The following FAT2 variants were observed in gnomAD, a reference collection of about 807,000 sequenced individuals.
The protein encoded by FAT2 is protocadherin Fat 2.
Under a neutral mutation model 295.3 loss-of-function variants are expected in FAT2, and 150 were observed. That is an observed-to-expected ratio of 0.51 (90% CI 0.44 to 0.58). The LOEUF is 0.58. Among genes scored for constraint, FAT2 ranks in the 20% least tolerant of loss-of-function variants. The probability of loss-of-function intolerance (pLI) is 0.00; values close to 1 mark genes in which losing one functional copy is unlikely to be tolerated. For synonymous variants in FAT2, 2,026 were observed against 2,150.3 expected (o/e 0.94, Z 1.60); for missense variants, 4,868 against 5,442.7 (o/e 0.89, Z 3.32).
chr5:151,565,908 T>C lies in FAT2; in HGVS notation c.3024A>G (p.Leu1008=). 1 of 1,613,976 alleles carries C rather than the reference T, an allele frequency of 6.2e-7. No homozygotes were observed. Among genetic ancestry groups the C allele is most frequent in the Non-Finnish European group, 8.5e-7 (1 of 1,180,004 alleles). The change falls in exon 2 of 24, where the codon CTA becomes CTG. Residue 1008 remains leucine, a synonymous_variant. Transcript: ENST00000261800. The stretch of plus-strand genomic sequence containing the variant: ...CCACATGGCAGAGAGTCCTGCGGGC[T>C]AGGGGCCTCCCACCATCACTGGCCC... The part of the protein sequence containing the change: ...SLWASDGGRP[L]ARRTLCHVEV...
At chr5:151,577,931 T>A (rs1758804825) in intron 1 of FAT2, among the ~76,000 whole-genome samples, 1 of 150,532 alleles carries the variant, frequency 6.6e-6, no homozygotes, top group African/African-American at 2.5e-5. Context: ...TCCTGAGGGG[T>A]CAACAACTCT....
chr5:151,543,963 G>T lies in FAT2; in HGVS notation c.7164C>A (p.Val2388=). 6.2e-7 allele frequency: 1 copy of T among 1,614,118 alleles called. No homozygotes were observed. The highest frequency in any genetic ancestry group is 8.5e-7 in the Non-Finnish European group (1 of 1,180,036). ...EFRQPQYEAN[V]SELATCGHLV... ...GGTGTCCACAGGTTGCCAGTTCACT[G>T]ACATTGGCTTCATATTGAGGTTGTC... The change falls in exon 10 of 24, where the codon GTC becomes GTA. Residue 2388 remains valine, a synonymous_variant. Coordinates refer to ENST00000261800, the MANE Select transcript of FAT2 (RefSeq NM_001447.3).
At position 151,566,446 on chromosome 5, in the gene FAT2, A is replaced by T. The variant is rs747755497; in HGVS notation, c.2486T>A (p.Ile829Asn). ...GGTTCCAACTTCTGTGTCCTCCGAG[A>T]TGGTTAACTGGTACCCACCGGGAGG... ...RFPPGGYQLT[I>N]SEDTEVGTTI... Residue 829 changes from isoleucine to asparagine, a missense_variant, in exon 2 of 24, where the codon ATC becomes AAC. Physicochemically the swap from Ile to Asn is moderately radical, Grantham distance 149. Coordinates refer to ENST00000261800, the MANE Select transcript of FAT2 (RefSeq NM_001447.3). 6.2e-7 allele frequency: 1 copy of T among 1,613,208 alleles called. No individual in the cohort carries two copies. The highest frequency in any genetic ancestry group is 1.7e-5 in the Admixed American group (1 of 59,992).
chr5:151,568,050 A>T lies in FAT2; in HGVS notation c.882T>A (p.Gly294=). The T allele has an allele frequency of 6.2e-7, 1 of 1,614,190 alleles. No homozygotes were observed. Among genetic ancestry groups the T allele is most frequent in the Non-Finnish European group, 8.5e-7 (1 of 1,180,034 alleles). The change falls in exon 2 of 24, where the codon GGT becomes GGA. Residue 294 remains glycine, a synonymous_variant. Coordinates refer to ENST00000261800, the MANE Select transcript of FAT2 (RefSeq NM_001447.3). The part of the protein sequence containing the change: ...AEVESVEVVG[G]DPGKHFKAIK... ...TGGCTTTGAAGTGCTTTCCAGGGTC[A>T]CCACCAACAACTTCCACTGACTCCA... is the stretch of plus-strand genomic sequence containing the variant.
At chr5:151,542,135 G>T in intron 10 of FAT2, 150 bp downstream of exon 10, 1 of 652,810 alleles carries the variant, frequency 1.5e-6, no homozygotes, top group Non-Finnish European at 2.6e-6. Context: ...GTCTATAGGT[G>T]GAGAAACTGA....
At chr5:151,539,700 CTACT>C (rs1755902173) in intron 11 of FAT2, among the ~76,000 whole-genome samples, 1 of 152,164 alleles carries the variant, frequency 6.6e-6, no homozygotes, top group South Asian at 2.1e-4. Context: ...AAGTTAAAAA[CTACT>C]TACTGTGTTT....
rs572999177 is a variant in FAT2, at chr5:151,549,372, C to T, written c.4712G>A (p.Gly1571Asp). ...GGCTCGGACCTGCAGCAGCTCTGTGCCGGGGGCTATGGTGTCAGGAACACT... is the reference window on the plus strand; with the variant it reads ...GGCTCGGACCTGCAGCAGCTCTGTGTCGGGGGCTATGGTGTCAGGAACACT... ...EASVPDTIAPGTELLQVRAMD... is the reference protein window; with the variant it reads ...EASVPDTIAPDTELLQVRAMD... The change falls in exon 9 of 24, where the codon GGC (glycine) becomes GAC (aspartate). Residue 1571 changes from glycine (G) to aspartate (D), a missense_variant. This residue lies in a region of FAT2 where 3,297 missense variants were observed against 3,669.4 expected (regional missense o/e 0.90). Coordinates refer to ENST00000261800, the MANE Select transcript of FAT2 (RefSeq NM_001447.3). 31 of 1,614,036 alleles carry T rather than the reference C, an allele frequency of 1.9e-5. No individual in the cohort carries two copies. The South Asian group carries it at 3.1e-4, about 16-fold the overall frequency.
rs1188647339 is a variant in FAT2 at position 151,531,084 on chromosome 5, G to C, written c.9811+503C>G. Among the ~76,000 whole-genome samples the C allele has an allele frequency of 6.6e-6, 1 of 152,148 alleles. No individual in the cohort carries two copies. Among genetic ancestry groups the C allele is most frequent in the African/African-American group, 2.4e-5 (1 of 41,428 alleles). Reference sequence around the variant, plus strand: ...GACTTTGAGTCTTCTGTGGCTAGTAGGAAAGAAGTGAGACGGTTTCCTAGT... The same window carrying C: ...GACTTTGAGTCTTCTGTGGCTAGTACGAAAGAAGTGAGACGGTTTCCTAGT... On this transcript the variant is annotated intron_variant, in intron 14 of 23. Transcript: ENST00000261800. This position sits in a 1 kb window ranked among gnomAD's most constrained non-coding sequence, Gnocchi z 5.7.
chr5:151,581,158 T>C (rs1197028167), intron 1 of FAT2, among the ~76,000 whole-genome samples: 1 of 152,168 alleles, frequency 6.6e-6, no homozygotes, highest in Non-Finnish European at 1.5e-5. Context: ...TTGTGTGTGA[T>C]TTTGAGCAAA....
intron 1 of FAT2, among the ~76,000 whole-genome samples, chr5:151,590,923 C>T (rs1759374174): frequency 1.3e-5 from 2 of 152,238 alleles, no homozygotes. Flanking sequence ...CTCAGCCTTG[C>T]CCATTGCTGG....
chr5:151,559,856 G>A (rs1757945497), intron 3 of FAT2, among the ~76,000 whole-genome samples: 1 of 152,078 alleles, frequency 6.6e-6, no homozygotes, highest in Non-Finnish European at 1.5e-5. Flanking sequence ...GGAAGTGCCT[G>A]AATAGAATGG....
intron 12 of FAT2, among the ~76,000 whole-genome samples, chr5:151,536,323 C>T (rs1313566182): frequency 1.3e-5 from 2 of 152,176 alleles, no homozygotes; most frequent in Non-Finnish European, 2.9e-5. Flanking sequence ...CTCTGCCTGT[C>T]CCTGCTGGGG....
chr5:151,527,535 G>C (rs945397119), intron 16 of FAT2, among the ~76,000 whole-genome samples, 158 bp from the exon 17 acceptor site: 4 of 152,092 alleles, frequency 2.6e-5, no homozygotes, highest in Non-Finnish European at 5.9e-5. Flanking sequence ...TTAGGTTCTG[G>C]AGTCAGACAG....
chr5:151,566,826 TAAAG>T lies in FAT2; in HGVS notation c.2102_2105del (p.Ser701Ter). 1 of 1,614,188 alleles carries T rather than the reference TAAAG, an allele frequency of 6.2e-7. No homozygotes were observed. Among genetic ancestry groups the T allele is most frequent in the South Asian group, 1.1e-5 (1 of 91,084 alleles). On this transcript the variant is annotated frameshift_variant, in exon 2 of 24. Coordinates refer to ENST00000261800, the MANE Select transcript of FAT2 (RefSeq NM_001447.3). LOFTEE classifies it high-confidence loss of function. Reference sequence around the variant, plus strand: ...TGTAATGATTAATCTGATATGTGCTTAAAGAAGTGAATTCCTCATCACTGGACTC... The same window carrying T: ...TGTAATGATTAATCTGATATGTGCTTAAGTGAATTCCTCATCACTGGACTC...
chr5:151,568,057 A>G lies in FAT2; in HGVS notation c.875T>C (p.Val292Ala), dbSNP rs918086088. The stretch of plus-strand genomic sequence containing the variant: ...GAAGTGCTTTCCAGGGTCACCACCA[A>G]CAACTTCCACTGACTCCACTTCAGC... ...SGAEVESVEV[V>A]GGDPGKHFKA... The change falls in exon 2 of 24, where the codon GTT becomes GCT. Residue 292 changes from valine to alanine, a missense_variant. Val to Ala is a moderately conservative substitution (Grantham distance 64). Transcript: ENST00000261800. 1.2e-6 allele frequency: 2 copies of G among 1,614,208 alleles called. No homozygotes were observed. The highest frequency in any genetic ancestry group is 1.7e-5 in the Admixed American group (1 of 60,024).
Position 151,521,949 on chromosome 5 carries a change from GCCACC to G in FAT2, c.10639_10643del (p.Gly3547HisfsTer4), listed in dbSNP as rs778715311. 1 of 1,614,196 alleles carries G rather than the reference GCCACC, an allele frequency of 6.2e-7. No homozygotes were observed. The highest frequency in any genetic ancestry group is 1.3e-5 in the African/African-American group (1 of 75,044). Reference sequence around the variant, plus strand: ...CTGTGGCATGGATCTTACCCACCATGCCACCCTGGAACTCATCCTCTCCAACAGTG... The same window carrying G: ...CTGTGGCATGGATCTTACCCACCATGCTGGAACTCATCCTCTCCAACAGTG... On this transcript the variant is annotated frameshift_variant, in exon 19 of 24. Transcript: ENST00000261800. LOFTEE classifies it high-confidence loss of function.
intron 3 of FAT2, among the ~76,000 whole-genome samples, chr5:151,557,814 T>C (rs1561867545): frequency 6.6e-6 from 1 of 152,154 alleles, no homozygotes; most frequent in African/African-American, 2.4e-5. Flanking sequence ...TTAGGGGTCA[T>C]GGTGAGGCTG....
chr5:151,540,454 T>C, intron 11 of FAT2, 113 bp downstream of exon 11: 2 of 712,208 alleles, frequency 2.8e-6, no homozygotes, highest in Non-Finnish European at 4.5e-6. Context: ...CCTCACTCTC[T>C]GTTCTCCTGC....
chr5:151,582,860 G>A (rs1340861617), intron 1 of FAT2, among the ~76,000 whole-genome samples: 1 of 152,264 alleles, frequency 6.6e-6, no homozygotes, highest in East Asian at 1.9e-4. Flanking sequence ...GACTGTTGGT[G>A]GGGGGAACAC....
Sources: allele counts gnomAD v4.1 joint callset (sites outside exome capture counted in the v4.1 genomes callset), GRCh38; gene constraint gnomAD v4.1.1; regional missense constraint gnomAD v4.1.1; non-coding constraint Gnocchi (gnomAD v3.1); transcripts MANE v1.5; gene names NCBI Gene and HGNC (gene_info 2026-07-23, HGNC 2026-07-21).